Variants in EPHA10 observed in about 807,000 individuals in gnomAD.
EPHA10 encodes the protein ephrin type-A receptor 10.
Under a neutral mutation model 109.7 loss-of-function variants are expected in EPHA10, and 120 were observed. The observed-to-expected ratio is 1.09, with a 90% confidence interval of 0.94 to 1.27. The LOEUF is 1.27. EPHA10 is among the 50% of genes most tolerant of loss of function. The pLI, the probability that EPHA10 is intolerant of heterozygous loss-of-function variation, is 0.00. For synonymous variants in EPHA10, 640 were observed against 618.9 expected (o/e 1.03, Z -0.51); for missense variants, 1,396 against 1,411.1 (o/e 0.99, Z 0.17).
In EPHA10 at chr1:37,764,719, G is replaced by A. The variant is rs563700506; in HGVS notation, c.106+242C>T. Among the ~76,000 whole-genome samples the A allele has an allele frequency of 7.2e-5, 11 of 151,910 alleles. No individual in the cohort carries two copies. The highest frequency in any genetic ancestry group is 1.2e-4 in the Non-Finnish European group (8 of 68,012). ...CTGGACCGCCGCCTCTGGCTCCCGC[G>A]GTTCCTGGCCTCTTTCTTTCCCAAC... On this transcript the variant is annotated intron_variant, in intron 1 of 16. Transcript: ENST00000373048. The surrounding 1 kb of genome is among the most constrained non-coding windows in gnomAD (Gnocchi z 5.8).
intron 5 of EPHA10, among the ~76,000 whole-genome samples, chr1:37,741,508 A>G (rs998177069): frequency 6.6e-6 from 1 of 152,206 alleles, no homozygotes; most frequent in Admixed American, 6.5e-5. Context: ...AATTCCAATT[A>G]AAACATAAAG....
chr1:37,747,326 A>G (rs1047026279), intron 5 of EPHA10, among the ~76,000 whole-genome samples: 3 of 152,144 alleles, frequency 2.0e-5, no homozygotes, highest in African/African-American at 7.2e-5. Context: ...CAAGGCAGGT[A>G]GATTGCTTGA....
In EPHA10 at chr1:37,765,103, AAGCC is replaced by A; in HGVS notation, c.-41_-38del. ...CGAGCTGTCAGTCCGGCGGCGGCTCAAGCCGCGCCAGCCTAGCACCGCTGAGCAA... is the reference window on the plus strand; with the variant it reads ...CGAGCTGTCAGTCCGGCGGCGGCTCAGCGCCAGCCTAGCACCGCTGAGCAA... On this transcript the variant is annotated 5_prime_UTR_variant, in exon 1 of 17. Transcript: ENST00000373048. The A allele has an allele frequency of 6.5e-7, 1 of 1,546,722 alleles. No individual in the cohort carries two copies. Among genetic ancestry groups the A allele is most frequent in the Non-Finnish European group, 8.7e-7 (1 of 1,146,194 alleles).
Position 37,761,963 on chromosome 1 carries a change from C to G in EPHA10, c.292G>C (p.Gly98Arg), listed in dbSNP as rs762731131. 1.2e-6 allele frequency: 2 copies of G among 1,614,126 alleles called. No individual in the cohort carries two copies. Among genetic ancestry groups the G allele is most frequent in the Admixed American group, 1.7e-5 (1 of 60,032 alleles). ...TGCAGTTCCACGAAGATGCGCTGCC[C>G]GCGGCCACGGCTTATCCAGCCAGTC... ...LQTGWISRGR[G>R]QRIFVELQFT... The change falls in exon 3 of 17, where the codon GGG (glycine) becomes CGG (arginine). Residue 98 changes from glycine (G) to arginine (R), a missense_variant. By Grantham distance (125) the Gly-to-Arg change is moderately radical (BLOSUM62 -2). Transcript: ENST00000373048.
chr1:37,743,310 AAC>A (rs1480840765), intron 5 of EPHA10, among the ~76,000 whole-genome samples: 1 of 152,178 alleles, frequency 6.6e-6, no homozygotes, highest in Non-Finnish European at 1.5e-5. Context: ...GAAGAAAGAA[AAC>A]ACAGCCTCCA....
chr1:37,726,958 A>C (rs1645902072), intron 8 of EPHA10, 144 bp downstream of exon 8: 1 of 533,914 alleles, frequency 1.9e-6, no homozygotes. Flanking sequence ...GGCCGGGATG[A>C]TGCATGCCTA....
At chr1:37,728,177 C>A (rs1348352835) in intron 7 of EPHA10, among the ~76,000 whole-genome samples, 2 of 152,130 alleles carry the variant, frequency 1.3e-5, no homozygotes, top group East Asian at 3.8e-4. Flanking sequence ...AATGGCAAGT[C>A]GTCCCCTGTG....
chr1:37,727,535 G>A (rs534469310), intron 7 of EPHA10, among the ~76,000 whole-genome samples: 1 of 152,296 alleles, frequency 6.6e-6, no homozygotes, highest in South Asian at 2.1e-4. Context: ...TCTGCAGGAG[G>A]AATGGCCTCT....
intron 2 of EPHA10, 124 bp from the exon 3 acceptor site, chr1:37,762,207 G>A: frequency 1.1e-6 from 1 of 896,560 alleles, no homozygotes; most frequent in South Asian, 1.8e-5. Context: ...GTAAGATGCA[G>A]CGCTGGGAGA....
Position 37,761,523 on chromosome 1 carries a change from C to T in EPHA10, c.732G>A (p.Ser244=), listed in dbSNP as rs764571956. 7 of 1,599,280 alleles carry T rather than the reference C, an allele frequency of 4.4e-6. No individual in the cohort carries two copies. Among genetic ancestry groups the T allele is most frequent in the South Asian group, 1.1e-5 (1 of 90,682 alleles). ...VEVAGTCVAH[S]EGEPGSPPRM... ...GTGGGGGGCTGCCAGGCTCCCCTTC[C>T]GAGTGCGCCACGCACGTTCCGGCCA... is the stretch of plus-strand genomic sequence containing the variant. Residue 244 remains serine, a synonymous_variant, in exon 3 of 17, where the codon TCG becomes TCA. Transcript: ENST00000373048.
At position 37,716,511 on chromosome 1, in the gene EPHA10, CAG is replaced by C. The variant is rs1394958337; in HGVS notation, c.*1859_*1860del. 8.6e-6 allele frequency: 2 copies of C among 232,164 alleles called. No homozygotes were observed. The highest frequency in any genetic ancestry group is 4.4e-5 in the African/African-American group (2 of 45,236). The allele number at this position is 232,164 out of a possible 1,614,324, so 14.4% of individuals were successfully genotyped here. ...AACATCTTGGTCTCCCCAGTACCCC[CAG>C]AGTCACTGAGCTGGGGCAGGTGCTC... On this transcript the variant is annotated 3_prime_UTR_variant, in exon 17 of 17. Coordinates refer to ENST00000373048, the MANE Select transcript of EPHA10 (RefSeq NM_001099439.2).
intron 14 of EPHA10, 75 bp from the exon 15 acceptor site, chr1:37,719,682 A>G (rs1645755130): frequency 6.7e-7 from 1 of 1,503,136 alleles, no homozygotes; most frequent in Non-Finnish European, 9.2e-7. Context: ...ACACACATGC[A>G]CACACACAGA....
At position 37,720,906 on chromosome 1, in the gene EPHA10, T is replaced by A. The variant is rs1306637273; in HGVS notation, c.2147-62A>T. ...CCACTCCACTCCGCACGCACACAAG[T>A]TTCCCCCCCAGGGTCCCAGACTGGG... On this transcript the variant is annotated intron_variant, in intron 11 of 16. Transcript: ENST00000373048. 5 of 1,568,108 alleles carry A rather than the reference T, an allele frequency of 3.2e-6. No homozygotes were observed. The African/African-American group carries it at 4.1e-5, about 13-fold the overall frequency.
At chr1:37,751,146 A>G (rs537119564) in intron 5 of EPHA10, among the ~76,000 whole-genome samples, 15 of 140,566 alleles carry the variant, frequency 1.1e-4, no homozygotes, top group African/African-American at 2.9e-4. Context: ...CGGAGCTTGT[A>G]GTGAGCCAAG....
chr1:37,764,319 C>T lies in EPHA10; in HGVS notation c.106+642G>A, dbSNP rs1189761232. Among the ~76,000 whole-genome samples the T allele has an allele frequency of 6.6e-6, 1 of 152,228 alleles. No individual in the cohort carries two copies. The highest frequency in any genetic ancestry group is 1.5e-5 in the Non-Finnish European group (1 of 68,032). ...GATTCCAGCTCCTCCGGATTCTGCA[C>T]CTAGATATGACGCCTCTGGATTCAA... On this transcript the variant is annotated intron_variant, in intron 1 of 16. Transcript: ENST00000373048. This position sits in a 1 kb window ranked among gnomAD's most constrained non-coding sequence, Gnocchi z 5.8.
chr1:37,721,836 C>A lies in EPHA10; in HGVS notation c.1970G>T (p.Gly657Val). Reference protein sequence around the residue: ...LERSLGGGRFGELCCGCLQLP... With the variant: ...LERSLGGGRFVELCCGCLQLP... ...CTGCAAGCAGCCACAGCACAGCTCC[C>A]CAAACCGCCCTGTGGGGAAACAGCA... Residue 657 changes from glycine to valine, a missense_variant, in exon 11 of 17, where the codon GGG becomes GTG. Coordinates refer to ENST00000373048, the MANE Select transcript of EPHA10 (RefSeq NM_001099439.2). 6.3e-7 allele frequency: 1 copy of A among 1,593,552 alleles called. No homozygotes were observed.
At chr1:37,722,125 G>A (rs1041718959) in intron 10 of EPHA10, 8 of 327,668 alleles carry the variant, frequency 2.4e-5, no homozygotes, top group Middle Eastern at 3.6e-4. Context: ...AGCAAGACTC[G>A]GTCTCAAAAA....
chr1:37,744,303 G>A (rs1414891752), intron 5 of EPHA10, among the ~76,000 whole-genome samples: 1 of 151,512 alleles, frequency 6.6e-6, no homozygotes, highest in Non-Finnish European at 1.5e-5. Context: ...CACGAGGTCA[G>A]GAGTTCGAGA....
chr1:37,726,556 ATCT>A (rs1645895627), intron 8 of EPHA10, among the ~76,000 whole-genome samples: 1 of 152,180 alleles, frequency 6.6e-6, no homozygotes, highest in Non-Finnish European at 1.5e-5. Flanking sequence ...AAGGACTAGA[ATCT>A]TCTCTGAACC....
Sources: gnomAD v4.1 joint callset for allele counts (sites outside exome capture counted in the v4.1 genomes callset) on GRCh38, gnomAD v4.1.1 for gene constraint, Gnocchi (gnomAD v3.1) non-coding constraint, MANE v1.5 for transcripts, NCBI Gene and HGNC (gene_info 2026-07-23, HGNC 2026-07-21) for gene names.